TRPM8: variants seen among roughly 807,000 people sequenced by gnomAD.
The protein encoded by TRPM8 is TRPM8 cationic channel.
In TRPM8, 110 loss-of-function variants were observed where a neutral mutation model predicts 133.7. The ratio of observed to expected loss-of-function variants is 0.82; its 90% CI spans 0.70 to 0.96. The LOEUF is 0.96. Among genes scored for constraint, TRPM8 ranks in the 40% least tolerant of loss-of-function variants. The pLI, the probability that TRPM8 is intolerant of heterozygous loss-of-function variation, is 0.00. For synonymous variants in TRPM8, 535 were observed against 532.3 expected (o/e 1.01, Z -0.07); for missense variants, 1,291 against 1,379.5 (o/e 0.94, Z 1.02).
Position 233,947,072 on chromosome 2 carries a change from T to C in TRPM8, c.875-16T>C. On this transcript the variant is annotated splice_polypyrimidine_tract_variant and intron_variant, in intron 7 of 25. Transcript: ENST00000324695. The stretch of plus-strand genomic sequence containing the variant: ...CTAATGAGCTCAAAATATGCTTTAC[T>C]TTTTATATTTTACAGATTCCAACTA... 1 of 1,612,774 alleles carries C rather than the reference T, an allele frequency of 6.2e-7. No individual in the cohort carries two copies.
intron 3 of TRPM8, among the ~76,000 whole-genome samples, chr2:233,936,215 G>C (rs1029083377): frequency 6.6e-6 from 1 of 152,182 alleles, no homozygotes; most frequent in Non-Finnish European, 1.5e-5. Context: ...TTAAAGGCAG[G>C]AAGGACATCC....
chr2:233,993,639 C>T (rs1326680850), intron 21 of TRPM8, among the ~76,000 whole-genome samples: 2 of 152,204 alleles, frequency 1.3e-5, no homozygotes, highest in African/African-American at 2.4e-5. Context: ...ATCTAGAAGA[C>T]ATGTTTTTCC....
At chr2:233,922,724 T>C (rs1691434422) in intron 1 of TRPM8, among the ~76,000 whole-genome samples, 1 of 152,192 alleles carries the variant, frequency 6.6e-6, no homozygotes, top group South Asian at 2.1e-4. Flanking sequence ...AATTCCTAGA[T>C]CACAATCTTT....
In TRPM8 at chr2:233,989,744, A is replaced by G. The variant is rs957345172; in HGVS notation, c.2939+3879A>G. The stretch of plus-strand genomic sequence containing the variant: ...TGGAGTGCTCTCTAGATGGTATTCA[A>G]CAGAGAAAGGAAATGGATGTGAACA... On this transcript the variant is annotated intron_variant, in intron 21 of 25. Transcript: ENST00000324695. This position sits in a 1 kb window ranked among gnomAD's most constrained non-coding sequence, Gnocchi z 4.2. Among the ~76,000 whole-genome samples the G allele has an allele frequency of 4.6e-5, 7 of 152,246 alleles. No individual in the cohort carries two copies. The highest frequency in any genetic ancestry group is 4.6e-4 in the Admixed American group (7 of 15,286).
At chr2:233,993,920 T>A (rs1692342427) in intron 21 of TRPM8, among the ~76,000 whole-genome samples, 1 of 152,214 alleles carries the variant, frequency 6.6e-6, no homozygotes, top group Non-Finnish European at 1.5e-5. Flanking sequence ...TTTTGGGAAG[T>A]CAGTATAATC....
intron 8 of TRPM8, 43 bp from the exon 9 acceptor site, chr2:233,949,906 G>A: frequency 6.3e-7 from 1 of 1,598,370 alleles, no homozygotes; most frequent in South Asian, 1.1e-5. Flanking sequence ...GGGTTCTGTG[G>A]ACCAAGGTCT....
rs140796351 is a variant in TRPM8, at chr2:233,983,076, G to C, written c.2613G>C (p.Leu871=). 1 of 1,613,770 alleles carries C rather than the reference G, an allele frequency of 6.2e-7. No individual in the cohort carries two copies. The highest frequency in any genetic ancestry group is 8.5e-7 in the Non-Finnish European group (1 of 1,179,774). The change falls in exon 20 of 26, where the codon CTG becomes CTC. Residue 871 remains leucine (L), a synonymous_variant. Coordinates refer to ENST00000324695, the MANE Select transcript of TRPM8 (RefSeq NM_024080.5). The part of the protein sequence containing the change: ...QRMLIDVFFF[L]FLFAVWMVAF... ...AGCTGATCGATGTGTTCTTCTTCCT[G>C]TTCCTCTTTGCGGTGTGGATGGTGG...
chr2:233,952,035 C>T (rs894320341), intron 9 of TRPM8, among the ~76,000 whole-genome samples: 1 of 152,160 alleles, frequency 6.6e-6, no homozygotes, highest in Non-Finnish European at 1.5e-5. Context: ...GGTTATTCCC[C>T]CATGCCTATT....
chr2:234,012,967 T>TA (rs1249966600), intron 24 of TRPM8, among the ~76,000 whole-genome samples: 1 of 152,182 alleles, frequency 6.6e-6, no homozygotes, highest in Admixed American at 6.5e-5. Context: ...CAGGGCTAAA[T>TA]ACCCCTGGGT....
At chr2:233,981,938 G>A (rs1692020042) in intron 19 of TRPM8, 23 bp downstream of exon 19, 1 of 1,579,632 alleles carries the variant, frequency 6.3e-7, no homozygotes, top group South Asian at 1.2e-5. Flanking sequence ...AATATTTGTA[G>A]TCATCATTTT....
chr2:233,930,554 G>A (rs1306078689), intron 2 of TRPM8, 114 bp from the exon 3 acceptor site: 20 of 670,530 alleles, frequency 3.0e-5, no homozygotes, highest in Admixed American at 2.8e-5. Context: ...CTATGAATAT[G>A]TGGTAAATTC....
At chr2:233,980,692 A>T (rs927648515) in intron 18 of TRPM8, among the ~76,000 whole-genome samples, 5 of 152,192 alleles carry the variant, frequency 3.3e-5, no homozygotes, top group African/African-American at 4.8e-5. Context: ...ATAGAAATTG[A>T]GAACTTTGAT....
At chr2:233,972,565 G>T (rs369890283) in intron 17 of TRPM8, among the ~76,000 whole-genome samples, 6 of 152,358 alleles carry the variant, frequency 3.9e-5, no homozygotes, top group African/African-American at 1.4e-4. Flanking sequence ...GCCCACTGAG[G>T]GGGTGGGAGG....
At chr2:233,960,740 AG>A (rs761513197) in intron 11 of TRPM8, 35 bp from the exon 12 acceptor site, 674 of 1,557,628 alleles carry the variant, frequency 4.3e-4, no homozygotes, top group Admixed American at 1.0e-3. Context: ...ATATTTTTAT[AG>A]TATTGTTAGT....
At chr2:233,990,720 T>C (rs1303815349) in intron 21 of TRPM8, among the ~76,000 whole-genome samples, 1 of 152,104 alleles carries the variant, frequency 6.6e-6, no homozygotes, top group Non-Finnish European at 1.5e-5. Context: ...CAGGATGCGG[T>C]CTGTGCACTG....
intron 1 of TRPM8, among the ~76,000 whole-genome samples, chr2:233,919,350 C>T (rs17862920): frequency 0.1 from 15,269 of 152,060 alleles, 986 homozygotes; most frequent in East Asian, 0.27. Flanking sequence ...GTTTGTAACC[C>T]TTTGTTTAAA....
chr2:233,958,301 A>T (rs1691340947), intron 11 of TRPM8, among the ~76,000 whole-genome samples: 1 of 152,214 alleles, frequency 6.6e-6, no homozygotes, highest in Non-Finnish European at 1.5e-5. Flanking sequence ...TCAGAGACAC[A>T]ATAATCCAGG....
intron 21 of TRPM8, among the ~76,000 whole-genome samples, chr2:233,995,115 G>A (rs555001431): frequency 3.9e-5 from 6 of 152,132 alleles, no homozygotes; most frequent in Admixed American, 6.5e-5. Flanking sequence ...GCTGGATTGC[G>A]GGGTCCAAAT....
chr2:233,996,045 A>G (rs1440413663), intron 21 of TRPM8, among the ~76,000 whole-genome samples: 1 of 151,842 alleles, frequency 6.6e-6, no homozygotes, highest in Non-Finnish European at 1.5e-5. Context: ...TCATTGAAAG[A>G]TCTTGAAATA....
Sources: allele counts gnomAD v4.1 joint callset (sites outside exome capture counted in the v4.1 genomes callset), GRCh38; gene constraint gnomAD v4.1.1; non-coding constraint Gnocchi (gnomAD v3.1); transcripts MANE v1.5; gene names NCBI Gene and HGNC (gene_info 2026-07-23, HGNC 2026-07-21).